The following CSMD1 variants were observed in gnomAD, a reference collection of about 807,000 sequenced individuals.
CSMD1 encodes the protein CUB and sushi domain-containing protein 1.
A neutral mutation model predicts 417.5 loss-of-function variants in CSMD1; 213 were observed. That is an observed-to-expected ratio of 0.51 (90% CI 0.46 to 0.57). CSMD1 has a LOEUF of 0.57. CSMD1 is among the 20% of genes least tolerant of loss of function. The probability of loss-of-function intolerance (pLI) is 0.00; values close to 1 mark genes in which losing one functional copy is unlikely to be tolerated. For missense variants in CSMD1, 6,923 were observed against 4,529.7 expected (o/e 1.53, Z -15.17); for synonymous variants, 2,862 against 1,736.8 (o/e 1.65, Z -16.11).
intron 2 of CSMD1, among the ~76,000 whole-genome samples, chr8:4,500,563 T>A (rs1433538048): frequency 6.6e-6 from 1 of 152,088 alleles, no homozygotes; most frequent in Non-Finnish European, 1.5e-5. Flanking sequence ...CACAGACTGT[T>A]ACTAAAAAGA....
chr8:4,210,244 G>A (rs1029968387), intron 3 of CSMD1, among the ~76,000 whole-genome samples: 2 of 152,178 alleles, frequency 1.3e-5, no homozygotes, highest in Admixed American at 6.5e-5. Context: ...TCACAGGAGG[G>A]GCAGAGGACT....
chr8:4,147,801 C>A (rs117114988), intron 3 of CSMD1, among the ~76,000 whole-genome samples: 3 of 152,084 alleles, frequency 2.0e-5, no homozygotes, highest in African/African-American at 7.2e-5. Context: ...AATGTGCCGA[C>A]TCCAAAGCCG....
intron 2 of CSMD1, among the ~76,000 whole-genome samples, chr8:4,617,175 T>C (rs919726673): frequency 2.0e-5 from 3 of 152,324 alleles, no homozygotes; most frequent in East Asian, 1.9e-4. Context: ...TCTGCTCTTA[T>C]GCCACTTTGA....
At position 3,207,061 on chromosome 8, in the gene CSMD1, T is replaced by G. The variant is rs1797334574; in HGVS notation, c.4868-1441A>C. Among the ~76,000 whole-genome samples, 4 of 152,236 alleles carry G rather than the reference T, an allele frequency of 2.6e-5. No individual in the cohort carries two copies. In the South Asian group the frequency reaches 6.2e-4, roughly 24 times the overall value. Reference sequence around the variant, plus strand: ...TTGGATATACCGCCACTGATTTGAATTCAGAATTAGCTTCAGTATTTCAGA... The same window carrying G: ...TTGGATATACCGCCACTGATTTGAAGTCAGAATTAGCTTCAGTATTTCAGA... On this transcript the variant is annotated intron_variant, in intron 30 of 69. Coordinates refer to ENST00000635120, the MANE Select transcript of CSMD1 (RefSeq NM_033225.6).
intron 2 of CSMD1, among the ~76,000 whole-genome samples, chr8:4,467,159 A>C (rs1328647151): frequency 1.3e-5 from 2 of 151,994 alleles, no homozygotes; most frequent in African/African-American, 2.4e-5. Flanking sequence ...AAGAAAAAAC[A>C]AATGTTGACA....
At chr8:4,263,971 T>C (rs558459792) in intron 3 of CSMD1, among the ~76,000 whole-genome samples, 25 of 152,312 alleles carry the variant, frequency 1.6e-4, no homozygotes, top group East Asian at 1.2e-3. Flanking sequence ...AGAAGAATCA[T>C]AGCCTCAGGA....
At chr8:3,884,840 T>C (rs1004124962) in intron 5 of CSMD1, among the ~76,000 whole-genome samples, 3 of 151,674 alleles carry the variant, frequency 2.0e-5, no homozygotes, top group African/African-American at 7.3e-5. Flanking sequence ...GTCGTCAGTC[T>C]GTGTATGAAA....
rs1476573062 is a variant in CSMD1, at chr8:4,829,643, G to C, written c.85+164689C>G. 2.0e-5 allele frequency among the ~76,000 whole-genome samples: 3 copies of C among 151,850 alleles called. No individual in the cohort carries two copies. In the East Asian group the frequency reaches 5.9e-4, roughly 30 times the overall value. On this transcript the variant is annotated intron_variant, in intron 1 of 69. Coordinates refer to ENST00000635120, the MANE Select transcript of CSMD1 (RefSeq NM_033225.6). Reference sequence around the variant, plus strand: ...TGGTCCCAAGTACTCAGGAGGCTGAGGAGGGGGGATCGCTTAAATCCAGGA... The same window carrying C: ...TGGTCCCAAGTACTCAGGAGGCTGACGAGGGGGGATCGCTTAAATCCAGGA...
At chr8:3,656,753 C>G (rs1313924174) in intron 7 of CSMD1, among the ~76,000 whole-genome samples, 1 of 152,018 alleles carries the variant, frequency 6.6e-6, no homozygotes, top group African/African-American at 2.4e-5. Context: ...TGGCGAAACC[C>G]CATCTCTACT....
Position 2,936,282 on chromosome 8 carries a change from G to A in CSMD1, c.*2303C>T, listed in dbSNP as rs1801458412. The A allele has an allele frequency of 6.6e-6, 1 of 151,834 alleles. No individual in the cohort carries two copies. Among genetic ancestry groups the A allele is most frequent in the Admixed American group, 6.6e-5 (1 of 15,226 alleles). The allele number at this position is 151,834 out of a possible 1,614,324, so 9.4% of individuals were successfully genotyped here. A position where few individuals can be genotyped will look rare whatever the true frequency, so the allele number is the denominator to read the frequency against. Reference sequence around the variant, plus strand: ...CATAGCATCGTTGACCAGGGAGCAGGTCAGGGATATGGGAACAGAGATGTT... The same window carrying A: ...CATAGCATCGTTGACCAGGGAGCAGATCAGGGATATGGGAACAGAGATGTT... On this transcript the variant is annotated 3_prime_UTR_variant, in exon 70 of 70. Transcript: ENST00000635120.
intron 1 of CSMD1, among the ~76,000 whole-genome samples, chr8:4,953,710 T>A (rs1431244326): frequency 6.6e-6 from 1 of 152,250 alleles, no homozygotes; most frequent in East Asian, 1.9e-4. Flanking sequence ...TACATGTTGC[T>A]AAATTTGCCT....
intron 7 of CSMD1, chr8:3,700,627 C>A (rs1330593060): frequency 2.0e-5 from 3 of 152,104 alleles, no homozygotes; most frequent in African/African-American, 7.2e-5. Context: ...TGACAGCTGC[C>A]AGAGAAAGCG....
intron 4 of CSMD1, among the ~76,000 whole-genome samples, chr8:4,016,078 C>T (rs182409064): frequency 5.3e-5 from 8 of 152,196 alleles, no homozygotes; most frequent in Non-Finnish European, 1.0e-4. Context: ...GGAAAATCTA[C>T]CCATTAATAT....
intron 21 of CSMD1, among the ~76,000 whole-genome samples, chr8:3,351,996 C>T (rs1481036000): frequency 3.3e-5 from 5 of 151,858 alleles, no homozygotes; most frequent in South Asian, 4.1e-4. Flanking sequence ...TGCTTTGTCA[C>T]CTTTTTTTTC....
intron 10 of CSMD1, among the ~76,000 whole-genome samples, chr8:3,540,893 G>C (rs1257951219): frequency 1.3e-5 from 2 of 152,182 alleles, no homozygotes; most frequent in African/African-American, 4.8e-5. Context: ...ATGCCGGCGA[G>C]GCTGTGGAGA....
At chr8:4,356,269 T>C (rs908029450) in intron 3 of CSMD1, among the ~76,000 whole-genome samples, 9 of 152,140 alleles carry the variant, frequency 5.9e-5, no homozygotes, top group African/African-American at 1.7e-4. Context: ...TCCCGGTCAC[T>C]GCAAATGCTG....
At chr8:3,543,974 A>G (rs1241773684) in intron 10 of CSMD1, among the ~76,000 whole-genome samples, 3 of 152,170 alleles carry the variant, frequency 2.0e-5, no homozygotes, top group Admixed American at 1.3e-4. Context: ...GAAAGCAGAA[A>G]GAGTCAGATA....
chr8:3,194,106 A>C (rs1041446062), intron 33 of CSMD1, among the ~76,000 whole-genome samples: 1 of 152,238 alleles, frequency 6.6e-6, no homozygotes, highest in African/African-American at 2.4e-5. Flanking sequence ...CAATGAATTA[A>C]AACATACATC....
intron 2 of CSMD1, among the ~76,000 whole-genome samples, chr8:4,553,650 G>A (rs557333804): frequency 6.6e-6 from 1 of 152,250 alleles, no homozygotes; most frequent in Admixed American, 6.5e-5. Context: ...AAAAGCATCA[G>A]TGAGATCATA....
Sources: gnomAD v4.1 joint callset for allele counts (sites outside exome capture counted in the v4.1 genomes callset) on GRCh38, gnomAD v4.1.1 for gene constraint, MANE v1.5 for transcripts, NCBI Gene and HGNC (gene_info 2026-07-23, HGNC 2026-07-21) for gene names.